The following THSD7A variants were observed in gnomAD, a reference collection of about 807,000 sequenced individuals.
THSD7A encodes the protein thrombospondin type 1 domain containing 7A.
A neutral mutation model predicts 231.3 loss-of-function variants in THSD7A; 96 were observed. The observed-to-expected ratio is 0.41, with a 90% CI of 0.35 to 0.49. The LOEUF is 0.49. THSD7A is among the 20% of genes least tolerant of loss of function. The pLI is 0.05. For synonymous variants in THSD7A, 940 were observed against 743.3 expected (o/e 1.26, Z -4.30); for missense variants, 2,290 against 2,070.2 (o/e 1.11, Z -2.06).
chr7:11,772,540 C>G (rs567715891), intron 1 of THSD7A, among the ~76,000 whole-genome samples: 4 of 151,742 alleles, frequency 2.6e-5, no homozygotes, highest in Admixed American at 6.6e-5. Flanking sequence ...TACTATGTAC[C>G]CATAAAAAAA....
chr7:11,716,810 T>TA (rs1781153072), intron 1 of THSD7A, among the ~76,000 whole-genome samples: 1 of 151,538 alleles, frequency 6.6e-6, no homozygotes, highest in Admixed American at 6.6e-5. Flanking sequence ...AAAATCTTAT[T>TA]ACATTGCTTT....
In THSD7A at chr7:11,444,281, C is replaced by T. The variant is rs571385525; in HGVS notation, c.3064+1780G>A. Among the ~76,000 whole-genome samples the T allele has an allele frequency of 6.6e-6, 1 of 152,110 alleles. No individual in the cohort carries two copies. Among genetic ancestry groups the T allele is most frequent in the South Asian group, 2.1e-4 (1 of 4,810 alleles). On this transcript the variant is annotated intron_variant, in intron 13 of 27. Coordinates refer to ENST00000423059, the MANE Select transcript of THSD7A (RefSeq NM_015204.3). The surrounding 1 kb of genome is among the most constrained non-coding windows in gnomAD (Gnocchi z 4.2). ...TCTAGAACCAGAAATACCATTTGAC[C>T]CAGCAATCCCATTACTGGGTATATA...
At chr7:11,758,132 G>A (rs767416072) in intron 1 of THSD7A, among the ~76,000 whole-genome samples, 62 of 151,204 alleles carry the variant, frequency 4.1e-4, no homozygotes, top group South Asian at 1.0e-3. Context: ...GAGTAAAAAC[G>A]AAAAGTCACA....
rs1430165801 is a variant in THSD7A, at chr7:11,634,684, C to T, written c.1022+1446G>A. 6.6e-6 allele frequency among the ~76,000 whole-genome samples: 1 copy of T among 151,742 alleles called. No individual in the cohort carries two copies. Among genetic ancestry groups the T allele is most frequent in the Non-Finnish European group, 1.5e-5 (1 of 67,944 alleles). ...GCAGAACAACAGCCTTCATTCAAGG[C>T]CACAGGACCAGAACTAGAATGGAAA... On this transcript the variant is annotated intron_variant, in intron 2 of 27. Transcript: ENST00000423059. The surrounding 1 kb of genome is among the most constrained non-coding windows in gnomAD (Gnocchi z 4.1).
chr7:11,710,542 T>C (rs987002726), intron 1 of THSD7A, among the ~76,000 whole-genome samples: 1 of 150,862 alleles, frequency 6.6e-6, no homozygotes, highest in Non-Finnish European at 1.5e-5. Flanking sequence ...AGAGTAGCCA[T>C]AAAAGCCAGG....
intron 13 of THSD7A, among the ~76,000 whole-genome samples, chr7:11,441,957 T>G (rs2128293336): frequency 6.6e-6 from 1 of 152,206 alleles, no homozygotes; most frequent in East Asian, 1.9e-4. Context: ...GTTCTGCACA[T>G]GTTTCCCAGA....
intron 1 of THSD7A, among the ~76,000 whole-genome samples, chr7:11,766,669 G>T (rs147675803): frequency 5.7e-4 from 86 of 152,188 alleles, no homozygotes; most frequent in African/African-American, 2.0e-3. Flanking sequence ...TAATCAGGAG[G>T]CTATCACTCA....
At chr7:11,403,549 T>TA (rs1441230297) in intron 22 of THSD7A, among the ~76,000 whole-genome samples, 2 of 152,172 alleles carry the variant, frequency 1.3e-5, no homozygotes, top group East Asian at 1.9e-4. Context: ...CTGCTAAAGT[T>TA]AAAAAAATTC....
At chr7:11,393,624 G>A (rs1371052519) in intron 23 of THSD7A, among the ~76,000 whole-genome samples, 1 of 152,196 alleles carries the variant, frequency 6.6e-6, no homozygotes, top group African/African-American at 2.4e-5. Flanking sequence ...CTTGAAAAAA[G>A]TTAGATGAAT....
rs1020049850 is a variant in THSD7A at position 11,720,444 on chromosome 7, C to T, written c.191-83483G>A. 4.6e-5 allele frequency among the ~76,000 whole-genome samples: 7 copies of T among 151,666 alleles called. No individual in the cohort carries two copies. The Admixed American group carries it at 4.6e-4, about 10-fold the overall frequency. ...ATGAATTTATTGATGATCACCATTC[C>T]CCCATGCTTAATCTCTTTCTACTGG... On this transcript the variant is annotated intron_variant, in intron 1 of 27. Transcript: ENST00000423059.
intron 6 of THSD7A, among the ~76,000 whole-genome samples, chr7:11,530,759 C>T (rs1033587502): frequency 6.6e-6 from 1 of 152,076 alleles, no homozygotes; most frequent in African/African-American, 2.4e-5. Context: ...CCTGTAAATC[C>T]CAACTCTTTG....
intron 1 of THSD7A, among the ~76,000 whole-genome samples, chr7:11,683,337 A>T (rs1783941220): frequency 6.6e-6 from 1 of 152,002 alleles, no homozygotes; most frequent in African/African-American, 2.4e-5. Context: ...AAACAAGAAC[A>T]AACTAAACCC....
At chr7:11,548,641 A>C (rs1444590356) in intron 4 of THSD7A, among the ~76,000 whole-genome samples, 2 of 152,158 alleles carry the variant, frequency 1.3e-5, no homozygotes, top group Non-Finnish European at 2.9e-5. Context: ...ATCCAGTAAC[A>C]CATCAGAAAG....
intron 4 of THSD7A, among the ~76,000 whole-genome samples, chr7:11,562,429 T>C (rs1256662020): frequency 1.3e-5 from 2 of 152,190 alleles, no homozygotes; most frequent in African/African-American, 2.4e-5. Flanking sequence ...AATTCATTCA[T>C]CCATTTAGCA....
intron 6 of THSD7A, among the ~76,000 whole-genome samples, chr7:11,512,055 C>T (rs1039471643): frequency 6.6e-6 from 1 of 152,138 alleles, no homozygotes; most frequent in African/African-American, 2.4e-5. Context: ...GGCTAATATC[C>T]AGAATCTACA....
intron 1 of THSD7A, among the ~76,000 whole-genome samples, chr7:11,720,211 A>C (rs115897199): frequency 6.6e-6 from 1 of 151,874 alleles, no homozygotes; most frequent in African/African-American, 2.4e-5. Flanking sequence ...CTACCAGAAA[A>C]CTGTCAAACC....
chr7:11,769,052 G>T (rs1286502970), intron 1 of THSD7A, among the ~76,000 whole-genome samples: 1 of 140,142 alleles, frequency 7.1e-6, no homozygotes, highest in Non-Finnish European at 1.5e-5. Context: ...CTGCCTCCTG[G>T]ATTCAAGTGA....
chr7:11,673,271 G>T (rs1783478490), intron 1 of THSD7A, among the ~76,000 whole-genome samples: 1 of 152,050 alleles, frequency 6.6e-6, no homozygotes, highest in African/African-American at 2.4e-5. Context: ...CTAGCTACAG[G>T]AGTTCCCATC....
chr7:11,567,741 T>C (rs191351159), intron 4 of THSD7A, among the ~76,000 whole-genome samples: 6 of 152,168 alleles, frequency 3.9e-5, no homozygotes, highest in Non-Finnish European at 7.3e-5. Flanking sequence ...CACAGCTGTA[T>C]ATGGACCCTG....
Sources: gnomAD v4.1 joint callset for allele counts (sites outside exome capture counted in the v4.1 genomes callset) on GRCh38, gnomAD v4.1.1 for gene constraint, Gnocchi (gnomAD v3.1) non-coding constraint, MANE v1.5 for transcripts, NCBI Gene and HGNC (gene_info 2026-07-23, HGNC 2026-07-21) for gene names.